The following SPHKAP variants were observed in gnomAD, a reference collection of about 807,000 sequenced individuals.
SPHKAP encodes A-kinase anchor protein SPHKAP.
SPHKAP carries 67 observed loss-of-function variants against 137.5 expected under a neutral mutation model. That is an observed-to-expected ratio of 0.49 (90% CI 0.40 to 0.60). The LOEUF is 0.60. Among genes scored for constraint, SPHKAP ranks in the 20% least tolerant of loss-of-function variants. SPHKAP has a pLI of 0.00. For synonymous variants in SPHKAP, 813 were observed against 785.3 expected, an observed-to-expected ratio of 1.04 and a Z score of -0.59; for missense variants, 2,097 against 2,069.3, an observed-to-expected ratio of 1.01 and a Z score of -0.26.
chr2:228,161,232 A>G (rs1357066056), intron 1 of SPHKAP, among the ~76,000 whole-genome samples: 1 of 152,338 alleles, frequency 6.6e-6, no homozygotes, highest in Admixed American at 6.5e-5. Flanking sequence ...GACTAAAAGT[A>G]GGTCAGTCTA....
chr2:228,091,174 T>TA (rs1697717291), intron 3 of SPHKAP, among the ~76,000 whole-genome samples: 3 of 151,934 alleles, frequency 2.0e-5, no homozygotes, highest in African/African-American at 7.3e-5. Flanking sequence ...AGATTAAAAA[T>TA]AAAAAACATG....
chr2:228,122,371 A>C (rs941704315), intron 2 of SPHKAP, among the ~76,000 whole-genome samples: 2 of 152,162 alleles, frequency 1.3e-5, no homozygotes, highest in Non-Finnish European at 2.9e-5. Flanking sequence ...ATGCTCAAGG[A>C]ACTGAGCTAT....
chr2:228,071,328 A>G (rs1007785598), intron 3 of SPHKAP, among the ~76,000 whole-genome samples: 3 of 152,182 alleles, frequency 2.0e-5, no homozygotes, highest in African/African-American at 4.8e-5. Flanking sequence ...TGTTCATGCA[A>G]ATATTTTTTG....
intron 3 of SPHKAP, among the ~76,000 whole-genome samples, chr2:228,086,543 C>G (rs1156905247): frequency 6.6e-6 from 1 of 152,050 alleles, no homozygotes; most frequent in Non-Finnish European, 1.5e-5. Flanking sequence ...CATATAGGTC[C>G]TACCGATAAG....
chr2:228,119,252 A>C (rs1416880976), intron 2 of SPHKAP, among the ~76,000 whole-genome samples: 1 of 152,132 alleles, frequency 6.6e-6, no homozygotes. Context: ...TGGGAAATGA[A>C]GGTTCCCAGT....
intron 1 of SPHKAP, among the ~76,000 whole-genome samples, chr2:228,134,318 C>A (rs1285920197): frequency 6.6e-6 from 1 of 152,054 alleles, no homozygotes; most frequent in African/African-American, 2.4e-5. Context: ...AAATTAGCTC[C>A]ATTTCCTGGC....
intron 7 of SPHKAP, among the ~76,000 whole-genome samples, chr2:227,997,221 C>G (rs920586231): frequency 6.6e-6 from 1 of 152,174 alleles, no homozygotes; most frequent in Non-Finnish European, 1.5e-5. Flanking sequence ...TGCCTCAACC[C>G]TAATCACTAT....
intron 5 of SPHKAP, 88 bp from the exon 6 acceptor site, chr2:228,022,054 C>T (rs547876853): frequency 6.9e-7 from 1 of 1,447,640 alleles, no homozygotes; most frequent in South Asian, 1.5e-5. Flanking sequence ...CCAAGCTCTC[C>T]TGTTAATAGG....
intron 3 of SPHKAP, among the ~76,000 whole-genome samples, chr2:228,106,290 C>G (rs1367367583): frequency 6.6e-6 from 1 of 152,170 alleles, no homozygotes; most frequent in Non-Finnish European, 1.5e-5. Flanking sequence ...AAGTTCATTA[C>G]AGTGAATACC....
At chr2:228,145,397 A>T (rs1362970509) in intron 1 of SPHKAP, among the ~76,000 whole-genome samples, 1 of 152,188 alleles carries the variant, frequency 6.6e-6, no homozygotes. Context: ...GAAAATATTT[A>T]AAGCCTGTAG....
intron 7 of SPHKAP, among the ~76,000 whole-genome samples, chr2:228,003,414 G>T (rs566605645): frequency 4.6e-5 from 7 of 152,290 alleles, no homozygotes; most frequent in African/African-American, 1.7e-4. Flanking sequence ...CATTGATTTT[G>T]TATCCTGAGA....
chr2:228,021,759 C>G lies in SPHKAP; in HGVS notation c.649G>C (p.Ala217Pro). The G allele has an allele frequency of 6.2e-7, 1 of 1,614,058 alleles. No individual in the cohort carries two copies. Among genetic ancestry groups the G allele is most frequent in the Non-Finnish European group, 8.5e-7 (1 of 1,179,958 alleles). ...LSSIEEDFLT[A>P]SEHLEEESEV... ...CTTTCCTCCTCCAAGTGCTCAGAAG[C>G]GGTGAGAAAGTCTTCCTCGATTGAA... The change falls in exon 6 of 12, where the codon GCT becomes CCT. Residue 217 changes from alanine (A) to proline (P), a missense_variant. By Grantham distance (27) the Ala-to-Pro change is conservative. Coordinates refer to ENST00000392056, the MANE Select transcript of SPHKAP (RefSeq NM_001142644.2).
chr2:228,158,602 G>C (rs1425721335), intron 1 of SPHKAP, among the ~76,000 whole-genome samples: 2 of 152,056 alleles, frequency 1.3e-5, no homozygotes, highest in Non-Finnish European at 2.9e-5. Flanking sequence ...AATTGGGAAT[G>C]AAAAAGGGAG....
intron 3 of SPHKAP, among the ~76,000 whole-genome samples, chr2:228,079,493 C>G (rs1697289110): frequency 6.6e-6 from 1 of 152,226 alleles, no homozygotes; most frequent in Non-Finnish European, 1.5e-5. Flanking sequence ...CAAGACCACT[C>G]CTGCAAGATC....
At chr2:227,997,145 CCT>C (rs1366583791) in intron 7 of SPHKAP, among the ~76,000 whole-genome samples, 1 of 152,170 alleles carries the variant, frequency 6.6e-6, no homozygotes, top group African/African-American at 2.4e-5. Flanking sequence ...TTGTCAGGAG[CCT>C]TCAGGAACTT....
At chr2:228,156,129 A>G (rs1162311741) in intron 1 of SPHKAP, among the ~76,000 whole-genome samples, 2 of 152,218 alleles carry the variant, frequency 1.3e-5, no homozygotes, top group Non-Finnish European at 2.9e-5. Context: ...AAGATCTTTT[A>G]TGTATACTTT....
intron 3 of SPHKAP, among the ~76,000 whole-genome samples, chr2:228,033,634 G>A (rs1457126543): frequency 6.6e-6 from 1 of 152,144 alleles, no homozygotes; most frequent in East Asian, 1.9e-4. Context: ...TGGAAGTAAA[G>A]CATTCCTCAG....
intron 1 of SPHKAP, among the ~76,000 whole-genome samples, chr2:228,154,715 ATTT>A (rs35636905): frequency 3.5e-5 from 4 of 115,156 alleles, no homozygotes; most frequent in Non-Finnish European, 3.5e-5. Context: ...TGCCTGGCTA[ATTT>A]TTTTTTTTTT....
chr2:228,132,720 G>A (rs1330240024), intron 1 of SPHKAP: 1 of 153,620 alleles, frequency 6.5e-6, no homozygotes, highest in Non-Finnish European at 1.4e-5. Context: ...AAAATTGGCT[G>A]AGCATGGTGG....
Sources: allele counts gnomAD v4.1 joint callset (sites outside exome capture counted in the v4.1 genomes callset), GRCh38; gene constraint gnomAD v4.1.1; transcripts MANE v1.5; gene names NCBI Gene and HGNC (gene_info 2026-07-23, HGNC 2026-07-21).